The following ADH7 variants were observed in gnomAD, a reference collection of about 807,000 sequenced individuals.
ADH7 encodes all-trans-retinol dehydrogenase [NAD(+)] ADH7.
ADH7 carries 41 observed loss-of-function variants against 34.4 expected under a neutral mutation model. That is an observed-to-expected ratio of 1.19 (90% CI 0.93 to 1.55). The LOEUF is 1.55. ADH7 is among the 40% of genes most tolerant of loss of function. The pLI is 0.00. For synonymous variants in ADH7, 180 were observed against 160.9 expected (o/e 1.12, Z -0.90); for missense variants, 540 against 461.2 (o/e 1.17, Z -1.56).
chr4:99,420,929 G>T, intron 5 of ADH7, 136 bp from the exon 6 acceptor site: 1 of 776,532 alleles, frequency 1.3e-6, no homozygotes, highest in South Asian at 1.8e-5. Flanking sequence ...AAATATCTAG[G>T]AATACAACTT....
intron 1 of ADH7, among the ~76,000 whole-genome samples, chr4:99,433,774 T>C (rs1321949222): frequency 1.3e-5 from 2 of 152,180 alleles, no homozygotes; most frequent in African/African-American, 2.4e-5. Flanking sequence ...GACACCTTAA[T>C]CTCAGAATTG....
In ADH7 at chr4:99,428,103, G is replaced by A. The variant is rs758704409; in HGVS notation, c.331C>T (p.Leu111Phe). 3.1e-6 allele frequency: 5 copies of A among 1,613,804 alleles called. No homozygotes were observed. Among genetic ancestry groups the A allele is most frequent in the South Asian group, 1.1e-5 (1 of 91,070 alleles). Reference sequence around the variant, plus strand: ...GAAACCTACTCGCTCCTAATGCAAAGGTTGCCATCTGGGTTGCGACAAGCA... The same window carrying A: ...GAAACCTACTCGCTCCTAATGCAAAAGTTGCCATCTGGGTTGCGACAAGCA... The part of the protein sequence containing the change: ...CNACRNPDGN[L>F]CIRSDITGRG... Residue 111 changes from leucine (L) to phenylalanine (F), a missense_variant, in exon 4 of 9, where the codon CTT becomes TTT. Physicochemically the swap from Leu to Phe is conservative, Grantham distance 22. Coordinates refer to ENST00000437033, the MANE Select transcript of ADH7 (RefSeq NM_000673.7).
chr4:99,434,954 A>C, intron 1 of ADH7: 2 of 1,283,810 alleles, frequency 1.6e-6, no homozygotes, highest in Non-Finnish European at 2.2e-6. Context: ...ATTATGAATA[A>C]TGCCAATATA....
intron 1 of ADH7, 97 bp downstream of exon 1, chr4:99,435,119 C>A (rs1250105286): frequency 1.3e-6 from 2 of 1,555,520 alleles, no homozygotes; most frequent in South Asian, 1.2e-5. Context: ...CAAGGAATAT[C>A]TCCAAGTGTT....
chr4:99,428,170 G>C lies in ADH7; in HGVS notation c.264C>G (p.Asp88Glu), dbSNP rs1359733318. The change falls in exon 4 of 9, where the codon GAC (aspartate) becomes GAG (glutamate). Residue 88 changes from aspartate (D) to glutamate (E), a missense_variant. Transcript: ENST00000437033. The part of the protein sequence containing the change: ...GEGVTTVKPG[D>E]KVIPLFLPQC... ...GTGGCAGAAAGAGAGGGATGACTTT[G>C]TCACCTACAGGAAAAAAATCATGAT... The C allele has an allele frequency of 6.2e-7, 1 of 1,613,190 alleles. No homozygotes were observed.
chr4:99,415,570 C>A lies in ADH7; in HGVS notation c.1008G>T (p.Leu336=). The change falls in exon 8 of 9, where the codon CTG becomes CTT. Residue 336 remains leucine, a synonymous_variant. Transcript: ENST00000437033. ...DDVPKLVTEF[L]AKKFDLDQLI... ...ACTGGTCCAGGTCAAATTTCTTTGC[C>A]AGGAACTCAGTCACTAGTTTTGGGA... is the stretch of plus-strand genomic sequence containing the variant. 6.2e-7 allele frequency: 1 copy of A among 1,613,488 alleles called. No individual in the cohort carries two copies.
chr4:99,426,485 A>C (rs1055312649), intron 5 of ADH7, among the ~76,000 whole-genome samples: 7 of 152,210 alleles, frequency 4.6e-5, no homozygotes, highest in Non-Finnish European at 8.8e-5. Flanking sequence ...TCCTTGACAC[A>C]TACACCCTCC....
intron 1 of ADH7, among the ~76,000 whole-genome samples, chr4:99,431,409 G>A (rs1177685665): frequency 6.6e-6 from 1 of 151,974 alleles, no homozygotes; most frequent in Non-Finnish European, 1.5e-5. Flanking sequence ...CATAGGACCT[G>A]GTAAAGACTT....
At chr4:99,429,419 A>G in intron 2 of ADH7, 113 bp downstream of exon 2, 1 of 690,324 alleles carries the variant, frequency 1.4e-6, no homozygotes, top group Non-Finnish European at 2.4e-6. Context: ...AGGAATTAAT[A>G]CTCCAAACAT....
In ADH7 at chr4:99,419,884, A is replaced by G. The variant is rs1188156230; in HGVS notation, c.825+649T>C. Among the ~76,000 whole-genome samples, 9 of 152,214 alleles carry G rather than the reference A, an allele frequency of 5.9e-5. 1 individual carries two copies. The highest frequency in any genetic ancestry group is 5.9e-4 in the Admixed American group (9 of 15,270). On this transcript the variant is annotated intron_variant, in intron 6 of 8. Transcript: ENST00000437033. Reference sequence around the variant, plus strand: ...TTAAGGTGAGTTAATCTGCCACTCAATCTTGAGCAAAAGTGGCTTTATTCC... The same window carrying G: ...TTAAGGTGAGTTAATCTGCCACTCAGTCTTGAGCAAAAGTGGCTTTATTCC...
rs139516819 is a variant in ADH7 at position 99,420,548 on chromosome 4, C to A, written c.810G>T (p.Gly270=). 7.0e-4 allele frequency: 1,134 copies of A among 1,613,212 alleles called. 4 individuals carry two copies. The highest frequency in any genetic ancestry group is 4.2e-3 in the South Asian group (378 of 91,028). ...NNVGYTFEVI[G]HLETMIDALA... ...TGGGTCTTACCATGGTTTCAAGATG[C>A]CCAATAACTTCAAAGGTGTATCCCA... Residue 270 remains glycine, a synonymous_variant, in exon 6 of 9, where the codon GGG becomes GGT. Transcript: ENST00000437033.
At chr4:99,426,437 C>A (rs538458643) in intron 5 of ADH7, among the ~76,000 whole-genome samples, 1 of 152,030 alleles carries the variant, frequency 6.6e-6, no homozygotes, top group South Asian at 2.1e-4. Flanking sequence ...AACACCTCTA[C>A]GCAAATAAAC....
Position 99,427,940 on chromosome 4 carries a change from T to C in ADH7, c.397A>G (p.Lys133Glu). ...ATGAAGTGGTGGACTGGTTTGCCCTTGCATGTAAATCTGGTGGTGCCATCA... is the reference window on the plus strand; with the variant it reads ...ATGAAGTGGTGGACTGGTTTGCCCTCGCATGTAAATCTGGTGGTGCCATCA... ...LADGTTRFTC[K>E]GKPVHHFMNT... Residue 133 changes from lysine (K) to glutamate (E), a missense_variant, in exon 5 of 9, where the codon AAG becomes GAG. Lys to Glu is a moderately conservative substitution (Grantham distance 56). Transcript: ENST00000437033. 5 of 1,614,014 alleles carry C rather than the reference T, an allele frequency of 3.1e-6. No homozygotes were observed. The highest frequency in any genetic ancestry group is 4.2e-6 in the Non-Finnish European group (5 of 1,179,930).
At chr4:99,430,291 T>C (rs1417184237) in intron 1 of ADH7, 2 of 152,196 alleles carry the variant, frequency 1.3e-5, no homozygotes, top group Non-Finnish European at 2.9e-5. Context: ...GGTTAAAGCT[T>C]GTCATCTTAT....
Position 99,412,862 on chromosome 4 carries a change from A to G in ADH7, c.*286T>C, listed in dbSNP as rs990382856. 3.1e-6 allele frequency: 1 copy of G among 327,736 alleles called. No homozygotes were observed. The highest frequency in any genetic ancestry group is 5.4e-5 in the East Asian group (1 of 18,422). 20.3% of individuals were successfully genotyped at this position (327,736 alleles called of 1,614,324 possible). On this transcript the variant is annotated 3_prime_UTR_variant, in exon 9 of 9. Coordinates refer to ENST00000437033, the MANE Select transcript of ADH7 (RefSeq NM_000673.7). ...CTGGTTAAAACTCTTAAAAATCTCC[A>G]TTTCAACATAGAAATCCAAGTGTAT...
chr4:99,420,916 A>G, intron 5 of ADH7, 123 bp from the exon 6 acceptor site: 2 of 861,498 alleles, frequency 2.3e-6, no homozygotes, highest in Non-Finnish European at 3.5e-6. Context: ...TACAAAGAGA[A>G]TAAAATATCT....
At chr4:99,418,647 A>T (rs1721576812) in intron 7 of ADH7, among the ~76,000 whole-genome samples, 1 of 152,170 alleles carries the variant, frequency 6.6e-6, no homozygotes, top group South Asian at 2.1e-4. Flanking sequence ...GAATAAATTC[A>T]CTTTAATACA....
chr4:99,412,547 A>G lies in ADH7; in HGVS notation c.*601T>C, dbSNP rs1270663776. ...AAATAGCCTTGTGTACCCATATGAT[A>G]TACTTTTTCAGTTTCACCAAGTTAT... On this transcript the variant is annotated 3_prime_UTR_variant, in exon 9 of 9. Coordinates refer to ENST00000437033, the MANE Select transcript of ADH7 (RefSeq NM_000673.7). 6.6e-6 allele frequency: 1 copy of G among 152,126 alleles called. No homozygotes were observed. Among genetic ancestry groups the G allele is most frequent in the Non-Finnish European group, 1.5e-5 (1 of 67,990 alleles). The allele number at this position is 152,126 out of a possible 1,614,324, so 9.4% of individuals were successfully genotyped here. A position where few individuals can be genotyped will look rare whatever the true frequency, so the allele number is the denominator to read the frequency against.
chr4:99,435,124 A>G (rs573597055), intron 1 of ADH7, 92 bp downstream of exon 1: 1 of 1,558,076 alleles, frequency 6.4e-7, no homozygotes, highest in African/African-American at 1.4e-5. Flanking sequence ...AATATCTCCA[A>G]GTGTTTAATT....
Sources: allele counts gnomAD v4.1 joint callset (sites outside exome capture counted in the v4.1 genomes callset), GRCh38; gene constraint gnomAD v4.1.1; transcripts MANE v1.5; gene names NCBI Gene and HGNC (gene_info 2026-07-23, HGNC 2026-07-21).